Variants in TMIGD3 observed in about 807,000 individuals in gnomAD.
The protein encoded by TMIGD3 is AD026 protein (AD026).
Under a neutral mutation model 28.1 loss-of-function variants are expected in TMIGD3, and 21 were observed. The observed-to-expected ratio is 0.75, with a 90% CI of 0.53 to 1.08. TMIGD3 has a LOEUF of 1.08. TMIGD3 is among the 50% of genes least tolerant of loss of function. TMIGD3 has a pLI of 0.00. For synonymous variants in TMIGD3, 151 were observed against 162.1 expected (o/e 0.93, Z 0.52); for missense variants, 416 against 435.6 (o/e 0.96, Z 0.40).
upstream of TMIGD3, chr1:111,505,067 A>G (rs1478403082): frequency 1.0e-6 from 1 of 970,602 alleles, no homozygotes; most frequent in African/African-American, 1.9e-5. Flanking sequence ...TGTTTTCTTT[A>G]TCTGTGCTTC....
intron 1 of TMIGD3, among the ~76,000 whole-genome samples, chr1:111,551,055 C>T (rs1657235483): frequency 6.6e-6 from 1 of 152,178 alleles, no homozygotes; most frequent in Non-Finnish European, 1.5e-5. Flanking sequence ...GCCACTTCAA[C>T]TCTCTTTTTG....
chr1:111,497,066 G>A (rs908760777), intron 1 of TMIGD3, among the ~76,000 whole-genome samples: 3 of 152,196 alleles, frequency 2.0e-5, no homozygotes, highest in African/African-American at 4.8e-5. Context: ...TTAGCTGAGA[G>A]AGCAAGCCAG....
chr1:111,487,148 C>T (rs952329868), intron 3 of TMIGD3, among the ~76,000 whole-genome samples: 1 of 152,178 alleles, frequency 6.6e-6, no homozygotes, highest in Non-Finnish European at 1.5e-5. Context: ...TACGATACCC[C>T]CTCTGATAAG....
At chr1:111,550,231 C>G (rs991197919) in intron 1 of TMIGD3, among the ~76,000 whole-genome samples, 4 of 152,112 alleles carry the variant, frequency 2.6e-5, no homozygotes, top group Non-Finnish European at 5.9e-5. Flanking sequence ...TTCTGGTCAG[C>G]ATGGATAAAG....
chr1:111,483,630 C>T lies in TMIGD3; in HGVS notation c.*57G>A, dbSNP rs905304872. The stretch of plus-strand genomic sequence containing the variant: ...AGTCTCTGAGGTGTGGGCCAGTTGT[C>T]ATGGTGATTATTCTGTTGTAGCATC... On this transcript the variant is annotated 3_prime_UTR_variant, in exon 6 of 6. Coordinates refer to ENST00000369716, the MANE Select transcript of TMIGD3 (RefSeq NM_020683.7). 5 of 1,376,326 alleles carry T rather than the reference C, an allele frequency of 3.6e-6. No individual in the cohort carries two copies. The highest frequency in any genetic ancestry group is 2.9e-5 in the African/African-American group (2 of 69,438). The allele number at this position is 1,376,326 out of a possible 1,614,324, so 85.3% of individuals were successfully genotyped here. A position where few individuals can be genotyped will look rare whatever the true frequency, so the allele number is the denominator to read the frequency against.
At chr1:111,524,528 T>C (rs924667055) in intron 1 of TMIGD3, among the ~76,000 whole-genome samples, 1 of 152,224 alleles carries the variant, frequency 6.6e-6, no homozygotes, top group Non-Finnish European at 1.5e-5. Context: ...AATTTCCCTC[T>C]AAGCACTGCT....
chr1:111,484,037 G>A (rs1654244081), intron 5 of TMIGD3, among the ~76,000 whole-genome samples: 1 of 152,202 alleles, frequency 6.6e-6, no homozygotes, highest in Non-Finnish European at 1.5e-5. Flanking sequence ...GGTTCAGGCT[G>A]CCACATTTCA....
At chr1:111,542,272 G>T (rs1335670719) in intron 1 of TMIGD3, 4 of 598,318 alleles carry the variant, frequency 6.7e-6, no homozygotes, top group African/African-American at 5.6e-5. Flanking sequence ...CGTATTTCAG[G>T]ATCAGACCTG....
intron 1 of TMIGD3, among the ~76,000 whole-genome samples, chr1:111,526,932 G>GAATGATT (rs2101009495): frequency 6.6e-6 from 1 of 150,440 alleles, no homozygotes; most frequent in East Asian, 2.0e-4. Context: ...TCATATATTT[G>GAATGATT]GAATCATACA....
Position 111,552,759 on chromosome 1 carries a change from G to A in TMIGD3, c.107+11087C>T, listed in dbSNP as rs149646044. The stretch of plus-strand genomic sequence containing the variant: ...TACCACTTCCTACATGCATGACCTG[G>A]AGCAAGCCAATTAAAACTTTTTATG... On this transcript the variant is annotated intron_variant, in intron 1 of 5. Coordinates refer to the TMIGD3 transcript ENST00000369717. 3.0e-3 allele frequency among the ~76,000 whole-genome samples: 450 copies of A among 152,202 alleles called. 2 individuals are homozygous for A. The highest frequency in any genetic ancestry group is 5.4e-3 in the Non-Finnish European group (370 of 68,010).
chr1:111,505,038 T>C (rs1655433868), upstream of TMIGD3: 1 of 978,170 alleles, frequency 1.0e-6, no homozygotes, highest in African/African-American at 1.8e-5. Context: ...GTGTCCCTCA[T>C]AAATGTTTCT....
chr1:111,532,538 C>T (rs1656491785), intron 1 of TMIGD3, among the ~76,000 whole-genome samples: 2 of 152,210 alleles, frequency 1.3e-5, no homozygotes, highest in South Asian at 2.1e-4. Context: ...ACCTGTAATC[C>T]AAGCACTGTG....
intron 1 of TMIGD3, among the ~76,000 whole-genome samples, chr1:111,552,482 T>G (rs1464123853): frequency 6.6e-6 from 1 of 152,246 alleles, no homozygotes; most frequent in African/African-American, 2.4e-5. Context: ...TTGGCAAATT[T>G]GTAGTTGCTT....
chr1:111,485,901 T>C, intron 4 of TMIGD3, 61 bp from the exon 5 acceptor site: 2 of 1,340,076 alleles, frequency 1.5e-6, no homozygotes, highest in Admixed American at 2.0e-5. Context: ...GATTCTCAGC[T>C]CTGGATCCCT....
At chr1:111,513,666 C>T (rs149630107) in intron 1 of TMIGD3, among the ~76,000 whole-genome samples, 286 of 152,244 alleles carry the variant, frequency 1.9e-3, no homozygotes, top group African/African-American at 6.7e-3. Context: ...TTTCAGTGAC[C>T]GTGACTTCAG....
At chr1:111,557,251 T>A (rs1271927336) in intron 1 of TMIGD3, among the ~76,000 whole-genome samples, 8 of 152,106 alleles carry the variant, frequency 5.3e-5, no homozygotes, top group Admixed American at 5.2e-4. Flanking sequence ...GTATATATTT[T>A]AAAAATCTTA....
At chr1:111,528,223 T>C (rs1340583468) in intron 1 of TMIGD3, among the ~76,000 whole-genome samples, 2 of 152,234 alleles carry the variant, frequency 1.3e-5, no homozygotes, top group Non-Finnish European at 2.9e-5. Context: ...TTTTATTGCA[T>C]GTGGATGTCA....
intron 1 of TMIGD3, among the ~76,000 whole-genome samples, chr1:111,545,162 A>G (rs1337914): frequency 0.42 from 62,971 of 151,166 alleles, 14,625 homozygotes; most frequent in Admixed American, 0.56. Flanking sequence ...TTGCTGAATC[A>G]TACAGTAACT....
chr1:111,559,617 C>A (rs2101045535), intron 1 of TMIGD3, among the ~76,000 whole-genome samples: 1 of 152,210 alleles, frequency 6.6e-6, no homozygotes, highest in Non-Finnish European at 1.5e-5. Flanking sequence ...TCCAATGACA[C>A]AAACTATATT....
Sources: gnomAD v4.1 joint callset for allele counts (sites outside exome capture counted in the v4.1 genomes callset) on GRCh38, gnomAD v4.1.1 for gene constraint, MANE v1.5 for transcripts, NCBI Gene and HGNC (gene_info 2026-07-23, HGNC 2026-07-21) for gene names.